Variants in FRY observed in about 807,000 individuals in gnomAD.
The protein encoded by FRY is FRY microtubule binding protein.
A neutral mutation model predicts 348.4 loss-of-function variants in FRY; 128 were observed. The observed-to-expected ratio is 0.37, with a 90% confidence interval of 0.32 to 0.43. FRY has a LOEUF of 0.43. Ranked by LOEUF, FRY falls within the 20% of genes least tolerant of loss-of-function variation. FRY has a pLI of 1.00. For synonymous variants in FRY, 1,370 were observed against 1,374.7 expected, an observed-to-expected ratio of 1.00 and a Z score of 0.08; for missense variants, 2,736 against 3,695.2, an observed-to-expected ratio of 0.74 and a Z score of 6.73.
intron 2 of FRY, among the ~76,000 whole-genome samples, chr13:32,082,326 C>T (rs1045187517): frequency 6.6e-6 from 1 of 151,448 alleles, no homozygotes; most frequent in Admixed American, 6.6e-5. Flanking sequence ...GCTCTTTGTA[C>T]CCAAAAGATG....
intron 3 of FRY, among the ~76,000 whole-genome samples, chr13:32,109,197 T>TA (rs1213367548): frequency 1.1e-4 from 16 of 152,184 alleles, no homozygotes; most frequent in Non-Finnish European, 1.8e-4. Flanking sequence ...AAAGGATAAC[T>TA]GTAGTTTTAA....
At chr13:32,207,537 G>T (rs989255973) in intron 31 of FRY, among the ~76,000 whole-genome samples, 10 of 152,108 alleles carry the variant, frequency 6.6e-5, no homozygotes, top group African/African-American at 2.4e-4. Flanking sequence ...AAAATGCCCC[G>T]TACCTTGGGA....
intron 2 of FRY, among the ~76,000 whole-genome samples, chr13:32,099,347 TACAC>T (rs1876997040): frequency 1.3e-5 from 2 of 151,452 alleles, no homozygotes; most frequent in Admixed American, 1.3e-4. Context: ...CACACATACA[TACAC>T]ACACACTAAC....
chr13:32,057,668 A>T (rs913047531), intron 1 of FRY, among the ~76,000 whole-genome samples: 2 of 152,286 alleles, frequency 1.3e-5, no homozygotes, highest in East Asian at 3.9e-4. Flanking sequence ...ACTTAAAAAT[A>T]TTCGCAGTCA....
intron 3 of FRY, among the ~76,000 whole-genome samples, chr13:32,105,010 A>G (rs1341712872): frequency 1.3e-5 from 2 of 152,242 alleles, no homozygotes; most frequent in Non-Finnish European, 2.9e-5. Context: ...CAGCGTGAGA[A>G]CAGACTAATA....
chr13:32,130,051 AG>A (rs1879251830), intron 7 of FRY, among the ~76,000 whole-genome samples: 1 of 138,284 alleles, frequency 7.2e-6, no homozygotes, highest in Non-Finnish European at 1.5e-5. Context: ...TACCTCCCCC[AG>A]CCTTTTTTTT....
At chr13:32,170,867 A>T in intron 17 of FRY, 145 bp from the exon 18 acceptor site, 1 of 644,536 alleles carries the variant, frequency 1.6e-6, no homozygotes, top group Non-Finnish European at 2.7e-6. Context: ...GTATTTATGT[A>T]AGTCATTTAC....
At chr13:32,065,821 T>A (rs773106101) in intron 1 of FRY, among the ~76,000 whole-genome samples, 19 of 152,254 alleles carry the variant, frequency 1.2e-4, no homozygotes, top group Admixed American at 1.0e-3. Flanking sequence ...CCAGGCTGTT[T>A]ACAAACTCTT....
chr13:32,272,298 A>G (rs565403116), intron 55 of FRY, among the ~76,000 whole-genome samples: 1 of 152,312 alleles, frequency 6.6e-6, no homozygotes, highest in South Asian at 2.1e-4. Context: ...GGTAGGGAGG[A>G]GGTAACTGTG....
chr13:32,035,161 A>G (rs1037776581), intron 1 of FRY, among the ~76,000 whole-genome samples: 18 of 152,196 alleles, frequency 1.2e-4, no homozygotes, highest in African/African-American at 3.9e-4. Flanking sequence ...ATCCACTTCA[A>G]ATCGGATGTA....
intron 11 of FRY, among the ~76,000 whole-genome samples, chr13:32,142,370 T>C (rs1566093649): frequency 6.6e-6 from 1 of 152,240 alleles, no homozygotes; most frequent in Non-Finnish European, 1.5e-5. Context: ...AAAATTAAAA[T>C]GAGTTAATAT....
chr13:32,061,115 A>C (rs566426492), intron 1 of FRY: 1 of 533,378 alleles, frequency 1.9e-6, no homozygotes, highest in Admixed American at 1.9e-5. Context: ...GGAGATTACA[A>C]CTGCTTGTTG....
chr13:32,124,133 C>T (rs555374365), intron 4 of FRY, among the ~76,000 whole-genome samples, 153 bp from the exon 5 acceptor site: 77 of 152,244 alleles, frequency 5.1e-4, no homozygotes, highest in Non-Finnish European at 8.2e-4. Context: ...CCACTCCGCC[C>T]GGCCAACGTT....
chr13:32,053,802 G>A (rs369911493), intron 1 of FRY, among the ~76,000 whole-genome samples: 5 of 152,316 alleles, frequency 3.3e-5, no homozygotes, highest in African/African-American at 1.2e-4. Context: ...TTCTTGGGTA[G>A]AACAGGTTGT....
intron 31 of FRY, among the ~76,000 whole-genome samples, chr13:32,206,905 A>G (rs1422748621): frequency 6.6e-6 from 1 of 152,216 alleles, no homozygotes; most frequent in Non-Finnish European, 1.5e-5. Flanking sequence ...GGTCCACTGA[A>G]CAAGAGCATC....
intron 3 of FRY, among the ~76,000 whole-genome samples, chr13:32,102,912 G>A (rs759427828): frequency 3.3e-5 from 5 of 152,146 alleles, no homozygotes; most frequent in Admixed American, 1.3e-4. Flanking sequence ...GTGGTAGTAC[G>A]GTGTTTTTAT....
At chr13:32,060,199 C>T (rs955267592) in intron 1 of FRY, among the ~76,000 whole-genome samples, 2 of 152,164 alleles carry the variant, frequency 1.3e-5, no homozygotes, top group Non-Finnish European at 1.5e-5. Flanking sequence ...AGAAATAATG[C>T]CCATAGAAAG....
Position 32,136,859 on chromosome 13 carries a change from CT to C in FRY, c.1078-9del. ...ATAAATGATCCTGTGACCTCCTCTC[CT>C]TTCTCCTCAGGCCTTGTACCCCCTG... On this transcript the variant is annotated splice_polypyrimidine_tract_variant and intron_variant, in intron 10 of 60. Coordinates refer to ENST00000542859, the MANE Select transcript of FRY (RefSeq NM_023037.3). The C allele has an allele frequency of 1.4e-6, 2 of 1,441,226 alleles. No individual in the cohort carries two copies. The highest frequency in any genetic ancestry group is 2.0e-6 in the Non-Finnish European group (2 of 1,022,230). 89.3% of individuals were successfully genotyped at this position (1,441,226 alleles called of 1,614,324 possible).
At position 32,224,338 on chromosome 13, in the gene FRY, G is replaced by A. The variant is rs755098969; in HGVS notation, c.4869G>A (p.Leu1623=). Residue 1623 remains leucine (L), a synonymous_variant, in exon 37 of 61, where the codon CTG becomes CTA. Transcript: ENST00000542859. The part of the protein sequence containing the change: ...MPCTGGCWAP[L]VDYLPETITP... ...GTACTGGAGGATGCTGGGCCCCCCT[G>A]GTTGACTATCTCCCGGAGACCATCA... The A allele has an allele frequency of 1.5e-5, 25 of 1,613,924 alleles. No homozygotes were observed. Among genetic ancestry groups the A allele is most frequent in the Non-Finnish European group, 1.9e-5 (22 of 1,179,988 alleles).
Sources: gnomAD v4.1 joint callset for allele counts (sites outside exome capture counted in the v4.1 genomes callset) on GRCh38, gnomAD v4.1.1 for gene constraint, MANE v1.5 for transcripts, NCBI Gene and HGNC (gene_info 2026-07-23, HGNC 2026-07-21) for gene names.